C3orf33: variants seen among roughly 807,000 people sequenced by gnomAD.
C3orf33 encodes AP-1 activity suppressor.
In C3orf33, 23 loss-of-function variants were observed where a neutral mutation model predicts 28.7. The observed-to-expected ratio is 0.80, with a 90% CI of 0.58 to 1.13. The LOEUF is 1.13. Ranked by LOEUF, C3orf33 falls within the 50% of genes most tolerant of loss-of-function variation. The pLI is 0.00. For missense variants in C3orf33, 327 were observed against 353.4 expected, an observed-to-expected ratio of 0.93 and a Z score of 0.60; for synonymous variants, 119 against 120.5, an observed-to-expected ratio of 0.99 and a Z score of 0.08.
chr3:155,786,451 T>C (rs550571478), intron 2 of C3orf33, among the ~76,000 whole-genome samples: 67 of 152,080 alleles, frequency 4.4e-4, no homozygotes, highest in African/African-American at 1.6e-3. Context: ...TCTACAGAAA[T>C]GAAAAGAACT....
chr3:155,775,652 TA>T, intron 3 of C3orf33, 48 bp downstream of exon 3: 1 of 1,284,202 alleles, frequency 7.8e-7, no homozygotes, highest in Non-Finnish European at 1.1e-6. Context: ...TAACTTCTAA[TA>T]AAAGAAGACC....
At chr3:155,805,537 T>G in intron 1 of C3orf33, 2 of 449,844 alleles carry the variant, frequency 4.4e-6, no homozygotes, top group South Asian at 3.1e-5. Flanking sequence ...CTGGACAACA[T>G]AGCAAGACTC....
At chr3:155,778,156 A>AAAAC (rs1337097181) in intron 2 of C3orf33, among the ~76,000 whole-genome samples, 30 of 151,790 alleles carry the variant, frequency 2.0e-4, no homozygotes, top group Non-Finnish European at 3.2e-4. Flanking sequence ...AAAAAAAAAA[A>AAAAC]AAAAAAACAA....
chr3:155,801,967 G>C (rs1751663039), intron 2 of C3orf33, among the ~76,000 whole-genome samples: 1 of 152,136 alleles, frequency 6.6e-6, no homozygotes, highest in Non-Finnish European at 1.5e-5. Context: ...GGCCAGGCTG[G>C]TCTCGAACTC....
intron 1 of C3orf33, chr3:155,805,487 G>A (rs1751782632): frequency 2.5e-6 from 1 of 400,152 alleles, no homozygotes. Context: ...TCGGGAGGCT[G>A]AGGTGGGAGA....
chr3:155,767,717 A>G, intron 3 of C3orf33, 48 bp from the exon 4 acceptor site: 2 of 1,381,776 alleles, frequency 1.4e-6, no homozygotes, highest in Non-Finnish European at 1.9e-6. Context: ...GCATGTTGCA[A>G]AAGCAAATTC....
At chr3:155,804,141 A>G (rs1269260947) in intron 1 of C3orf33, 15 of 403,798 alleles carry the variant, frequency 3.7e-5, no homozygotes, top group Non-Finnish European at 7.2e-5. Context: ...ACACCATTGC[A>G]CTCCAGCCTG....
intron 4 of C3orf33, among the ~76,000 whole-genome samples, chr3:155,766,215 A>G (rs750656526): frequency 1.3e-5 from 2 of 152,208 alleles, no homozygotes; most frequent in Admixed American, 1.3e-4. Context: ...TAAAAGCTGA[A>G]TATCATAGTA....
intron 2 of C3orf33, among the ~76,000 whole-genome samples, chr3:155,796,945 C>A (rs1386551170): frequency 6.6e-6 from 1 of 152,172 alleles, no homozygotes; most frequent in Non-Finnish European, 1.5e-5. Flanking sequence ...AATCCCAGTA[C>A]TTTGGGAGGC....
At chr3:155,779,793 G>A (rs1290135148) in intron 2 of C3orf33, among the ~76,000 whole-genome samples, 1 of 152,194 alleles carries the variant, frequency 6.6e-6, no homozygotes, top group East Asian at 1.9e-4. Flanking sequence ...TAATTCTGGT[G>A]TGTTTTCTTA....
At chr3:155,767,427 C>A in intron 4 of C3orf33, 82 bp downstream of exon 4, 1 of 1,117,824 alleles carries the variant, frequency 8.9e-7, no homozygotes, top group East Asian at 2.9e-5. Context: ...CATTATATAT[C>A]CAAAGTTCTA....
Position 155,788,060 on chromosome 3 carries a change from G to A in C3orf33, c.175-12212C>T, listed in dbSNP as rs184826931. Among the ~76,000 whole-genome samples, 483 of 151,858 alleles carry A rather than the reference G, an allele frequency of 3.2e-3. 1 individual carries two copies. Among genetic ancestry groups the A allele is most frequent in the African/African-American group, 0.011 (458 of 41,492 alleles). On this transcript the variant is annotated intron_variant, in intron 2 of 4. Transcript: ENST00000340171. ...CAAAAAATTAGCCGGGCGTGGTGGC[G>A]GGCGCCTGTAGTCCCAGCTACTGGG...
intron 3 of C3orf33, among the ~76,000 whole-genome samples, chr3:155,771,013 GCCAC>G (rs1347712417): frequency 4.1e-4 from 46 of 112,328 alleles, no homozygotes; most frequent in South Asian, 4.1e-3. Flanking sequence ...GTTTTGCTCT[GCCAC>G]TGTGTGTGTG....
chr3:155,780,866 A>G (rs148627812), intron 2 of C3orf33, among the ~76,000 whole-genome samples: 11 of 152,352 alleles, frequency 7.2e-5, no homozygotes, highest in Non-Finnish European at 1.3e-4. Flanking sequence ...TGCCTTGATC[A>G]TGAATATGGT....
chr3:155,770,633 A>G (rs1750551842), intron 3 of C3orf33, among the ~76,000 whole-genome samples: 1 of 152,206 alleles, frequency 6.6e-6, no homozygotes. Flanking sequence ...AATCTTCCAG[A>G]AACAAATTGA....
chr3:155,795,540 A>AT, intron 2 of C3orf33, among the ~76,000 whole-genome samples: 1 of 152,350 alleles, frequency 6.6e-6, no homozygotes, highest in Admixed American at 6.5e-5. Context: ...ATACAACTAG[A>AT]AATCTATAAC....
intron 3 of C3orf33, among the ~76,000 whole-genome samples, chr3:155,773,829 G>A (rs969760367): frequency 4.6e-5 from 7 of 152,222 alleles, no homozygotes; most frequent in Non-Finnish European, 1.0e-4. Flanking sequence ...CAACTGAGAA[G>A]CTAAAGGACC....
At chr3:155,780,298 A>G (rs545833748) in intron 2 of C3orf33, among the ~76,000 whole-genome samples, 29 of 152,350 alleles carry the variant, frequency 1.9e-4, no homozygotes, top group African/African-American at 7.0e-4. Context: ...AAATGCTGGA[A>G]GCATCCTGGT....
intron 2 of C3orf33, among the ~76,000 whole-genome samples, chr3:155,781,787 A>T (rs1214363447): frequency 7.0e-6 from 1 of 142,900 alleles, no homozygotes; most frequent in Non-Finnish European, 1.5e-5. Flanking sequence ...AAAAAAAAAA[A>T]AAATAGTGGG....
Sources: gnomAD v4.1 joint callset for allele counts (sites outside exome capture counted in the v4.1 genomes callset) on GRCh38, gnomAD v4.1.1 for gene constraint, MANE v1.5 for transcripts, NCBI Gene and HGNC (gene_info 2026-07-23, HGNC 2026-07-21) for gene names.